The following LYPD1 variants were observed in gnomAD, a reference collection of about 807,000 sequenced individuals.
LYPD1 encodes the protein LY6/PLAUR domain containing 1.
LYPD1 carries 14 observed loss-of-function variants against 14.2 expected under a neutral mutation model. That is an observed-to-expected ratio of 0.99 (90% CI 0.65 to 1.54). The LOEUF (loss-of-function observed/expected upper bound fraction) is 1.54. Among genes scored for constraint, LYPD1 ranks in the 40% most tolerant of loss-of-function variants. LYPD1 has a pLI of 0.00. For missense variants in LYPD1, 165 were observed against 175.7 expected, an observed-to-expected ratio of 0.94 and a Z score of 0.34; for synonymous variants, 85 against 70.6, an observed-to-expected ratio of 1.20 and a Z score of -1.02.
intron 2 of LYPD1, among the ~76,000 whole-genome samples, chr2:132,655,995 A>G (rs537104918): frequency 3.9e-5 from 6 of 152,312 alleles, no homozygotes; most frequent in Admixed American, 1.3e-4. Flanking sequence ...ACTTTCGGCA[A>G]TCTCAGAGAG....
At chr2:132,661,337 T>C (rs996342475) in intron 2 of LYPD1, among the ~76,000 whole-genome samples, 1 of 152,224 alleles carries the variant, frequency 6.6e-6, no homozygotes, top group African/African-American at 2.4e-5. Context: ...CACCAATTCC[T>C]TTGCCGAAAA....
upstream of LYPD1, among the ~76,000 whole-genome samples, chr2:132,671,010 T>G (rs1683683125): frequency 6.6e-6 from 1 of 152,238 alleles, no homozygotes; most frequent in Admixed American, 6.5e-5. Context: ...CTCCATTCCT[T>G]GTCTCCCAAA....
intron 2 of LYPD1, among the ~76,000 whole-genome samples, chr2:132,655,514 A>ATTT (rs1180944589): frequency 2.0e-5 from 2 of 99,454 alleles, no homozygotes; most frequent in Admixed American, 1.2e-4. Context: ...GTTGAGAAGC[A>ATTT]TTTTTTTTTT....
intron 2 of LYPD1, among the ~76,000 whole-genome samples, chr2:132,648,953 G>T (rs1421864483): frequency 3.9e-5 from 6 of 152,164 alleles, no homozygotes; most frequent in Non-Finnish European, 7.4e-5. Flanking sequence ...GCTTCTATGA[G>T]CCTCCCTTGG....
chr2:132,647,279 A>T (rs953065306), intron 2 of LYPD1, among the ~76,000 whole-genome samples: 17 of 152,218 alleles, frequency 1.1e-4, no homozygotes, highest in African/African-American at 4.1e-4. Context: ...CAGGAAGTGG[A>T]GCAGCTGGGA....
chr2:132,655,765 C>G (rs1180224977), intron 2 of LYPD1, among the ~76,000 whole-genome samples: 1 of 152,094 alleles, frequency 6.6e-6, no homozygotes, highest in Admixed American at 6.5e-5. Flanking sequence ...CCGCCCACCT[C>G]AGCCTCCCAA....
At chr2:132,670,544 G>A (rs967156010), upstream of LYPD1, among the ~76,000 whole-genome samples, 34 of 152,250 alleles carry the variant, frequency 2.2e-4, no homozygotes, top group African/African-American at 8.2e-4. This position sits in a 1 kb window ranked among gnomAD's most constrained non-coding sequence, Gnocchi z 4.5. Flanking sequence ...ACATAGGAAG[G>A]CAGCCTCCCC....
chr2:132,645,650 C>CT lies in LYPD1; in HGVS notation c.*394dup. The CT allele has an allele frequency of 6.4e-7, 1 of 1,571,172 alleles. No individual in the cohort carries two copies. The highest frequency in any genetic ancestry group is 8.6e-7 in the Non-Finnish European group (1 of 1,160,650). On this transcript the variant is annotated 3_prime_UTR_variant, in exon 3 of 3. Coordinates refer to ENST00000397463, the MANE Select transcript of LYPD1 (RefSeq NM_144586.7). Reference sequence around the variant, plus strand: ...TTGAGTGGGAACTGGCCCTCCAGCCCTAAGAAAACGTCACTCTCACTCTGC... The same window carrying CT: ...TTGAGTGGGAACTGGCCCTCCAGCCCTTAAGAAAACGTCACTCTCACTCTGC...
At chr2:132,653,261 G>A (rs987234879) in intron 2 of LYPD1, among the ~76,000 whole-genome samples, 4 of 152,198 alleles carry the variant, frequency 2.6e-5, no homozygotes, top group African/African-American at 9.7e-5. Context: ...CTTCACTTCT[G>A]TAAGCCTCAG....
intron 2 of LYPD1, among the ~76,000 whole-genome samples, chr2:132,665,197 T>A (rs761296618): frequency 6.6e-5 from 10 of 152,220 alleles, no homozygotes; most frequent in Admixed American, 1.3e-4. Context: ...TGTACCTGCC[T>A]CAAAATTTTT....
rs1681986432 is a variant in LYPD1 at position 132,645,159 on chromosome 2, G to T, written c.*886C>A. 2 of 1,614,188 alleles carry T rather than the reference G, an allele frequency of 1.2e-6. No homozygotes were observed. Among genetic ancestry groups the T allele is most frequent in the Non-Finnish European group, 1.7e-6 (2 of 1,180,036 alleles). ...TGCCCAACCAGATTCGGAGGATCATGGCTGCGGCCAAACCCAAGCACGACT... is the reference window on the plus strand; with the variant it reads ...TGCCCAACCAGATTCGGAGGATCATTGCTGCGGCCAAACCCAAGCACGACT... On this transcript the variant is annotated 3_prime_UTR_variant, in exon 3 of 3. Coordinates refer to ENST00000397463, the MANE Select transcript of LYPD1 (RefSeq NM_144586.7).
intron 2 of LYPD1, among the ~76,000 whole-genome samples, chr2:132,650,728 C>CAA (rs989216177): frequency 2.1e-5 from 3 of 143,334 alleles, no homozygotes; most frequent in African/African-American, 8.6e-5. Context: ...AAAAAAAAAA[C>CAA]AAAAAACAAA....
intron 2 of LYPD1, among the ~76,000 whole-genome samples, chr2:132,659,546 G>A (rs1682808482): frequency 6.6e-6 from 1 of 152,226 alleles, no homozygotes; most frequent in Non-Finnish European, 1.5e-5. Flanking sequence ...GAACAAAGAT[G>A]AAATTGTTTC....
chr2:132,645,005 A>T lies in LYPD1; in HGVS notation c.*1040T>A. 3 of 1,406,302 alleles carry T rather than the reference A, an allele frequency of 2.1e-6. No homozygotes were observed. The highest frequency in any genetic ancestry group is 2.9e-6 in the Non-Finnish European group (3 of 1,036,282). The allele number at this position is 1,406,302 out of a possible 1,614,324, so 87.1% of individuals were successfully genotyped here. Reference sequence around the variant, plus strand: ...ATTTCCTGGCCAGTAAGCACAGAACAGAGGGGCTAAATATTTTATGGTTTT... The same window carrying T: ...ATTTCCTGGCCAGTAAGCACAGAACTGAGGGGCTAAATATTTTATGGTTTT... On this transcript the variant is annotated 3_prime_UTR_variant, in exon 3 of 3. Transcript: ENST00000397463.
chr2:132,657,504 A>G (rs1682669820), intron 2 of LYPD1, among the ~76,000 whole-genome samples: 1 of 152,204 alleles, frequency 6.6e-6, no homozygotes, highest in South Asian at 2.1e-4. Context: ...CTTGCATACA[A>G]ATTCACCCAA....
chr2:132,658,176 T>C (rs1030467735), intron 2 of LYPD1, among the ~76,000 whole-genome samples: 5 of 152,168 alleles, frequency 3.3e-5, no homozygotes, highest in Admixed American at 3.3e-4. Flanking sequence ...GCCAACATGC[T>C]TAGGGAAGTA....
chr2:132,646,390 A>G (rs1682079831), intron 2 of LYPD1, 110 bp from the exon 3 acceptor site: 1 of 633,094 alleles, frequency 1.6e-6, no homozygotes, highest in Non-Finnish European at 2.5e-6. Context: ...CCCACAGCCC[A>G]GAGACTAGGT....
chr2:132,648,041 T>TAA (rs1558874392), intron 2 of LYPD1, among the ~76,000 whole-genome samples: 1 of 152,222 alleles, frequency 6.6e-6, no homozygotes, highest in Non-Finnish European at 1.5e-5. Flanking sequence ...TCTGGTAAGA[T>TAA]AAAGTCGAGG....
chr2:132,645,446 C>T lies in LYPD1; in HGVS notation c.*599G>A. ...CTCTTCGCGTCCCGGCGCCAGTCCTCTGCAAGGAGAACTGAGAAGATTTTC... is the reference window on the plus strand; with the variant it reads ...CTCTTCGCGTCCCGGCGCCAGTCCTTTGCAAGGAGAACTGAGAAGATTTTC... On this transcript the variant is annotated 3_prime_UTR_variant, in exon 3 of 3. Coordinates refer to ENST00000397463, the MANE Select transcript of LYPD1 (RefSeq NM_144586.7). The T allele has an allele frequency of 1.2e-6, 2 of 1,613,798 alleles. No individual in the cohort carries two copies. The highest frequency in any genetic ancestry group is 8.5e-7 in the Non-Finnish European group (1 of 1,180,036).
Sources: allele counts gnomAD v4.1 joint callset (sites outside exome capture counted in the v4.1 genomes callset), GRCh38; gene constraint gnomAD v4.1.1; non-coding constraint Gnocchi (gnomAD v3.1); transcripts MANE v1.5; gene names NCBI Gene and HGNC (gene_info 2026-07-23, HGNC 2026-07-21).